HMCN1: variants seen among roughly 807,000 people sequenced by gnomAD.
HMCN1 encodes hemicentin 1, also known as hemicentin-1.
In HMCN1, 321 loss-of-function variants were observed where a neutral mutation model predicts 625.9. The observed-to-expected ratio is 0.51, with a 90% CI of 0.47 to 0.56. HMCN1 has a LOEUF of 0.56. Among genes scored for constraint, HMCN1 ranks in the 20% least tolerant of loss-of-function variants. The pLI is 0.00. For missense variants in HMCN1, 6,588 were observed against 6,887.3 expected, an observed-to-expected ratio of 0.96 and a Z score of 1.54; for synonymous variants, 2,425 against 2,417.6, an observed-to-expected ratio of 1.00 and a Z score of -0.09.
At chr1:186,055,799 C>T in intron 45 of HMCN1, 125 bp downstream of exon 45, 1 of 941,854 alleles carries the variant, frequency 1.1e-6, no homozygotes, top group Non-Finnish European at 1.7e-6. Context: ...AACATATATA[C>T]CTTTTCCCCA....
chr1:185,806,918 T>A lies in HMCN1; in HGVS notation c.269-39108T>A, dbSNP rs916489777. On this transcript the variant is annotated intron_variant, in intron 1 of 106. Coordinates refer to ENST00000271588, the MANE Select transcript of HMCN1 (RefSeq NM_031935.3). ...CTTTCCATCCTCATTTCCTGTCTTA[T>A]ACATTTTTTTCTTAACATTTCATTT... Among the ~76,000 whole-genome samples the A allele has an allele frequency of 5.9e-5, 9 of 152,196 alleles. No individual in the cohort carries two copies. In the East Asian group the frequency reaches 1.7e-3, roughly 29 times the overall value.
At chr1:186,161,197 T>G (rs1651449570) in intron 97 of HMCN1, among the ~76,000 whole-genome samples, 1 of 150,064 alleles carries the variant, frequency 6.7e-6, no homozygotes, top group South Asian at 2.1e-4. Context: ...TCTCTTTTGA[T>G]CTTTGTTGGT....
intron 105 of HMCN1, 22 bp from the exon 106 acceptor site, chr1:186,187,861 A>C: frequency 1.2e-6 from 2 of 1,613,474 alleles, no homozygotes; most frequent in Non-Finnish European, 1.7e-6. Flanking sequence ...CTGATGCTGC[A>C]TGTTCCCTGT....
chr1:185,817,605 A>G (rs1659922650), intron 1 of HMCN1, among the ~76,000 whole-genome samples: 1 of 152,220 alleles, frequency 6.6e-6, no homozygotes, highest in Non-Finnish European at 1.5e-5. Context: ...CTAAATTCTG[A>G]AAGTCACTGG....
chr1:186,145,475 G>A lies in HMCN1; in HGVS notation c.14339G>A (p.Arg4780Gln), dbSNP rs111360184. 8.7e-6 allele frequency: 14 copies of A among 1,612,268 alleles called. No individual in the cohort carries two copies. Among genetic ancestry groups the A allele is most frequent in the Non-Finnish European group, 1.1e-5 (13 of 1,178,884 alleles). Residue 4780 changes from arginine (R) to glutamine (Q), a missense_variant, in exon 92 of 107, where the codon CGG (arginine) becomes CAG (glutamine). Transcript: ENST00000271588. ...SRTCNGGQMRRYRTCDNPPPS... is the reference protein window; with the variant it reads ...SRTCNGGQMRQYRTCDNPPPS... Reference sequence around the variant, plus strand: ...ACGTGTAACGGAGGGCAGATGCGGCGGTACCGCACATGTGATAACCCTCCT... The same window carrying A: ...ACGTGTAACGGAGGGCAGATGCGGCAGTACCGCACATGTGATAACCCTCCT...
At chr1:185,994,667 T>C in intron 23 of HMCN1, 148 bp from the exon 24 acceptor site, 1 of 747,364 alleles carries the variant, frequency 1.3e-6, no homozygotes, top group Non-Finnish European at 2.3e-6. Flanking sequence ...CTAGATCACC[T>C]AGCTAGTGAA....
intron 11 of HMCN1, among the ~76,000 whole-genome samples, chr1:185,934,210 A>G (rs1475290963): frequency 1.3e-5 from 2 of 152,148 alleles, no homozygotes; most frequent in African/African-American, 4.8e-5. Context: ...ATTTTTGCAT[A>G]CATAACTAAC....
chr1:185,801,313 C>T (rs1002887997), intron 1 of HMCN1, among the ~76,000 whole-genome samples: 6 of 152,168 alleles, frequency 3.9e-5, no homozygotes, highest in African/African-American at 9.7e-5. Flanking sequence ...GGAAAAAAAT[C>T]GCAGCTCAAA....
intron 1 of HMCN1, among the ~76,000 whole-genome samples, chr1:185,834,289 C>T (rs1661039230): frequency 6.6e-6 from 1 of 152,238 alleles, no homozygotes; most frequent in Admixed American, 6.5e-5. Flanking sequence ...CCTAGCACTA[C>T]TGAGCTGGGT....
At chr1:186,038,710 A>C (rs762652262) in intron 37 of HMCN1, 119 bp from the exon 38 acceptor site, 7 of 693,824 alleles carry the variant, frequency 1.0e-5, no homozygotes, top group Middle Eastern at 4.0e-4. Flanking sequence ...TTATGTAAAC[A>C]GATTAAATTC....
rs2102164994 is a variant in HMCN1, at chr1:186,023,060, G to T, written c.5656G>T (p.Ala1886Ser). 2 of 1,613,356 alleles carry T rather than the reference G, an allele frequency of 1.2e-6. No homozygotes were observed. The highest frequency in any genetic ancestry group is 4.5e-5 in the East Asian group (2 of 44,782). The change falls in exon 36 of 107, where the codon GCC becomes TCC. Residue 1886 changes from alanine to serine, a missense_variant. This residue lies in a region of HMCN1 where 4,628 missense variants were observed against 4,853.1 expected (regional missense o/e 0.95). Transcript: ENST00000271588. ...GTCTTCTGGTCGAGTTCTACAAATTGCCAAAACCCTGTTGGAAGATGCTGG... is the reference window on the plus strand; with the variant it reads ...GTCTTCTGGTCGAGTTCTACAAATTTCCAAAACCCTGTTGGAAGATGCTGG... ...IQSSGRVLQI[A>S]KTLLEDAGRY...
intron 11 of HMCN1, among the ~76,000 whole-genome samples, chr1:185,936,091 A>G (rs1667800448): frequency 6.6e-6 from 1 of 152,170 alleles, no homozygotes; most frequent in Non-Finnish European, 1.5e-5. Context: ...AGCTTAATTC[A>G]CAGCCTCATT....
At chr1:185,921,200 C>G (rs1468396826) in intron 6 of HMCN1, among the ~76,000 whole-genome samples, 1 of 152,172 alleles carries the variant, frequency 6.6e-6, no homozygotes, top group African/African-American at 2.4e-5. Context: ...GCCATAGTAA[C>G]TAGCTGCATC....
intron 1 of HMCN1, among the ~76,000 whole-genome samples, chr1:185,742,168 G>T (rs75763834): frequency 1.6e-4 from 24 of 152,018 alleles, no homozygotes; most frequent in Non-Finnish European, 2.6e-4. Flanking sequence ...TTGCTCGACC[G>T]TCTGTTTCTC....
At chr1:186,131,451 T>C (rs1024771469) in intron 85 of HMCN1, among the ~76,000 whole-genome samples, 2 of 152,160 alleles carry the variant, frequency 1.3e-5, no homozygotes, top group African/African-American at 4.8e-5. Context: ...GTACTTCTAA[T>C]ACCAATGTTA....
chr1:185,777,697 G>A (rs9730339), intron 1 of HMCN1, among the ~76,000 whole-genome samples: 5,440 of 152,218 alleles, frequency 0.036, 341 homozygotes, highest in African/African-American at 0.12. Flanking sequence ...TGATCCGCCC[G>A]CCTCAGCTTC....
rs200351804 is a variant in HMCN1, at chr1:186,171,336, G to T, written c.15575-1G>T. On this transcript the variant is annotated splice_acceptor_variant, in intron 100 of 106. Transcript: ENST00000271588. LOFTEE classifies it high-confidence loss of function. ...AATGAAAGTTTTGTTTTATTTAACA[G>T]ATATTAATGAATGTCAAGAATCCAG... The T allele has an allele frequency of 6.2e-7, 1 of 1,607,852 alleles. No individual in the cohort carries two copies. Among genetic ancestry groups the T allele is most frequent in the Non-Finnish European group, 8.5e-7 (1 of 1,174,492 alleles).
chr1:185,823,131 G>T (rs1008743713), intron 1 of HMCN1, among the ~76,000 whole-genome samples: 2 of 151,624 alleles, frequency 1.3e-5, no homozygotes. Flanking sequence ...TAACATTATT[G>T]GTAAAATGTC....
chr1:186,179,271 T>C (rs1413941080), intron 104 of HMCN1, among the ~76,000 whole-genome samples: 1 of 152,224 alleles, frequency 6.6e-6, no homozygotes, highest in Non-Finnish European at 1.5e-5. Flanking sequence ...TTATTGTGTA[T>C]GTTTGTACGT....
Sources: allele counts gnomAD v4.1 joint callset (sites outside exome capture counted in the v4.1 genomes callset), GRCh38; gene constraint gnomAD v4.1.1; regional missense constraint gnomAD v4.1.1; transcripts MANE v1.5; gene names NCBI Gene and HGNC (gene_info 2026-07-23, HGNC 2026-07-21).